The following PIP4K2A variants were observed in gnomAD, a reference collection of about 807,000 sequenced individuals.
The protein encoded by PIP4K2A is phosphatidylinositol 5-phosphate 4-kinase type-2 alpha.
Under a neutral mutation model 42.9 loss-of-function variants are expected in PIP4K2A, and 14 were observed. The ratio of observed to expected loss-of-function variants is 0.33; its 90% CI spans 0.22 to 0.51. The LOEUF is 0.51. Among genes scored for constraint, PIP4K2A ranks in the 20% least tolerant of loss-of-function variants. The probability of loss-of-function intolerance (pLI) is 0.97; values close to 1 mark genes in which losing one functional copy is unlikely to be tolerated. For synonymous variants in PIP4K2A, 192 were observed against 192.2 expected, an observed-to-expected ratio of 1.00 and a Z score of 0.01; for missense variants, 434 against 519.8, an observed-to-expected ratio of 0.83 and a Z score of 1.61.
At chr10:22,663,404 A>G (rs1171915263) in intron 1 of PIP4K2A, among the ~76,000 whole-genome samples, 1 of 152,218 alleles carries the variant, frequency 6.6e-6, no homozygotes, top group Non-Finnish European at 1.5e-5. Context: ...TATAATTTCC[A>G]TATGGTTGGT....
chr10:22,569,198 T>TG lies in PIP4K2A; in HGVS notation c.640-1310dup, dbSNP rs530864344. 1.3e-3 allele frequency: 872 copies of TG among 660,544 alleles called. 6 individuals are homozygous for TG. The highest frequency in any genetic ancestry group is 0.012 in the African/African-American group (666 of 55,738). 40.9% of individuals were successfully genotyped at this position (660,544 alleles called of 1,614,324 possible). ...TTGGGGAAGGGAGCCAAGACCAGGCTGGGGGGGTCTCCCCAGGGCCGATCT... is the reference window on the plus strand; with the variant it reads ...TTGGGGAAGGGAGCCAAGACCAGGCTGGGGGGGGTCTCCCCAGGGCCGATCT... On this transcript the variant is annotated intron_variant, in intron 5 of 9. Coordinates refer to ENST00000376573, the MANE Select transcript of PIP4K2A (RefSeq NM_005028.5).
chr10:22,560,913 T>C (rs1836675984), intron 6 of PIP4K2A, among the ~76,000 whole-genome samples: 1 of 152,258 alleles, frequency 6.6e-6, no homozygotes. Context: ...AGTCCAGTTA[T>C]GTTTTCTTTT....
intron 3 of PIP4K2A, among the ~76,000 whole-genome samples, chr10:22,596,277 G>C (rs1488369132): frequency 6.6e-6 from 1 of 151,048 alleles, no homozygotes; most frequent in Admixed American, 6.6e-5. Context: ...GTAAAGCATG[G>C]GCCTCGGAAG....
At chr10:22,649,463 C>A (rs1300042048) in intron 1 of PIP4K2A, among the ~76,000 whole-genome samples, 1 of 152,204 alleles carries the variant, frequency 6.6e-6, no homozygotes, top group African/African-American at 2.4e-5. Flanking sequence ...TGTCAAACGG[C>A]CATCTCTTTT....
intron 1 of PIP4K2A, among the ~76,000 whole-genome samples, chr10:22,649,347 C>T (rs932538739): frequency 5.3e-5 from 8 of 152,166 alleles, no homozygotes; most frequent in African/African-American, 1.9e-4. Context: ...TAAGTTCACA[C>T]TTTTAAAATA....
intron 6 of PIP4K2A, among the ~76,000 whole-genome samples, chr10:22,562,700 G>A (rs1171434712): frequency 6.6e-6 from 1 of 152,168 alleles, no homozygotes; most frequent in Non-Finnish European, 1.5e-5. Context: ...ACTTTCCCCT[G>A]GGTTCGTTCT....
rs1178719872 is a variant in PIP4K2A, at chr10:22,664,188, TATAC to T, written c.144+49991_144+49994del. 6.2e-4 allele frequency among the ~76,000 whole-genome samples: 50 copies of T among 80,362 alleles called. 1 individual carries two copies. Among genetic ancestry groups the T allele is most frequent in the African/African-American group, 3.8e-3 (43 of 11,276 alleles). 52.7% of individuals were successfully genotyped at this position (80,362 alleles called of 152,430 possible). A position where few individuals can be genotyped will look rare whatever the true frequency, so the allele number is the denominator to read the frequency against. On this transcript the variant is annotated intron_variant, in intron 1 of 9. Coordinates refer to ENST00000376573, the MANE Select transcript of PIP4K2A (RefSeq NM_005028.5). ...ATATACATATATATATATACATATA[TATAC>T]ATATATATATACATATATATATATA...
chr10:22,678,855 T>G (rs995090968), intron 1 of PIP4K2A, among the ~76,000 whole-genome samples: 4 of 152,252 alleles, frequency 2.6e-5, no homozygotes, highest in Non-Finnish European at 5.9e-5. Flanking sequence ...TTGAATACAT[T>G]AAGGTCTACT....
chr10:22,693,633 A>G (rs1839916160), intron 1 of PIP4K2A, among the ~76,000 whole-genome samples: 1 of 152,100 alleles, frequency 6.6e-6, no homozygotes, highest in Non-Finnish European at 1.5e-5. Flanking sequence ...TCAGATATCA[A>G]CAGATCTCCA....
chr10:22,664,160 TATATATAC>T (rs1324330298), intron 1 of PIP4K2A, among the ~76,000 whole-genome samples: 2 of 67,270 alleles, frequency 3.0e-5, no homozygotes, highest in East Asian at 5.2e-4. Flanking sequence ...TACACATATA[TATATATAC>T]ATATATATAT....
chr10:22,632,156 C>T (rs888461553), intron 1 of PIP4K2A, among the ~76,000 whole-genome samples: 7 of 152,062 alleles, frequency 4.6e-5, no homozygotes, highest in Non-Finnish European at 7.4e-5. Context: ...GACTAAGAGA[C>T]ATGACAACCA....
At chr10:22,542,194 A>T in intron 7 of PIP4K2A, 147 bp from the exon 8 acceptor site, 1 of 630,240 alleles carries the variant, frequency 1.6e-6, no homozygotes, top group Non-Finnish European at 2.8e-6. Flanking sequence ...ATGCTCTTAC[A>T]CTCCTGGGCT....
In PIP4K2A at chr10:22,683,062, AAACAACAAC is replaced by A. The variant is rs59679229; in HGVS notation, c.144+31112_144+31120del. ...GAAGCCAAAAAGAAAAGAAAAAGAA[AAACAACAAC>A]AACAACAACAACAACAAAAACAGCT... On this transcript the variant is annotated intron_variant, in intron 1 of 9. Transcript: ENST00000376573. Among the ~76,000 whole-genome samples, 639 of 123,520 alleles carry A rather than the reference AAACAACAAC, an allele frequency of 5.2e-3. 9 individuals are homozygous for A. Among genetic ancestry groups the A allele is most frequent in the South Asian group, 0.015 (70 of 4,562 alleles). 81.0% of individuals were successfully genotyped at this position (123,520 alleles called of 152,430 possible).
chr10:22,672,274 G>A (rs977350875), intron 1 of PIP4K2A, among the ~76,000 whole-genome samples: 14 of 150,886 alleles, frequency 9.3e-5, no homozygotes, highest in African/African-American at 3.4e-4. Context: ...GCTCTGGGTC[G>A]GGGGGACAGT....
intron 1 of PIP4K2A, among the ~76,000 whole-genome samples, chr10:22,631,770 G>T (rs530523330): frequency 2.2e-4 from 34 of 152,264 alleles, no homozygotes; most frequent in African/African-American, 7.9e-4. Flanking sequence ...AGCAATAAAT[G>T]TTCAATTTTT....
rs920135422 is a variant in PIP4K2A, at chr10:22,558,170, GTAGTAAT to G, written c.679-7405_679-7399del. Among the ~76,000 whole-genome samples the G allele has an allele frequency of 7.9e-5, 12 of 152,252 alleles. No individual in the cohort carries two copies. The East Asian group carries it at 1.3e-3, about 17-fold the overall frequency. On this transcript the variant is annotated intron_variant, in intron 6 of 9. Coordinates refer to ENST00000376573, the MANE Select transcript of PIP4K2A (RefSeq NM_005028.5). ...GCTGAATGCTCCACATAAAAAATAC[GTAGTAAT>G]TATTGTTTTATGTTAGAACTGCTTG...
chr10:22,588,308 A>G (rs1406412113), intron 4 of PIP4K2A, among the ~76,000 whole-genome samples: 1 of 151,096 alleles, frequency 6.6e-6, no homozygotes, highest in East Asian at 1.9e-4. Flanking sequence ...GTTCTCTAAC[A>G]TTCTTGTATG....
At chr10:22,659,774 T>C (rs1839167914) in intron 1 of PIP4K2A, 1 of 152,014 alleles carries the variant, frequency 6.6e-6, no homozygotes, top group African/African-American at 2.4e-5. Context: ...ACCACTGCAC[T>C]CCAGCTTGGG....
chr10:22,560,764 A>C (rs1836671162), intron 6 of PIP4K2A, among the ~76,000 whole-genome samples: 1 of 152,206 alleles, frequency 6.6e-6, no homozygotes, highest in African/African-American at 2.4e-5. Flanking sequence ...TACTTTACCT[A>C]ATAAAATCAG....
Sources: gnomAD v4.1 joint callset for allele counts (sites outside exome capture counted in the v4.1 genomes callset) on GRCh38, gnomAD v4.1.1 for gene constraint, MANE v1.5 for transcripts, NCBI Gene and HGNC (gene_info 2026-07-23, HGNC 2026-07-21) for gene names.